The following ADCY9 variants were observed in gnomAD, a reference collection of about 807,000 sequenced individuals.
The protein encoded by ADCY9 is adenylate cyclase 9.
ADCY9 carries 50 observed loss-of-function variants against 101.5 expected under a neutral mutation model. The observed-to-expected ratio is 0.49, with a 90% CI of 0.39 to 0.62. The LOEUF (loss-of-function observed/expected upper bound fraction) is 0.62. Among genes scored for constraint, ADCY9 ranks in the 20% least tolerant of loss-of-function variants. ADCY9 has a pLI of 0.00. For synonymous variants in ADCY9, 905 were observed against 769.3 expected, an observed-to-expected ratio of 1.18 and a Z score of -2.92; for missense variants, 1,662 against 1,800.4, an observed-to-expected ratio of 0.92 and a Z score of 1.39.
rs137931297 is a variant in ADCY9 at position 4,091,796 on chromosome 16, G to A, written c.1693+21954C>T. Among the ~76,000 whole-genome samples the A allele has an allele frequency of 9.8e-4, 150 of 152,310 alleles. 1 individual carries two copies. The highest frequency in any genetic ancestry group is 3.5e-3 in the African/African-American group (145 of 41,570). ...CAAAGTGCAGCACAGCGGCTGCCAG[G>A]TGCTAGGGCTTGGGAGCTGGGAAGT... On this transcript the variant is annotated intron_variant, in intron 2 of 10. Transcript: ENST00000294016.
chr16:3,993,569 T>G, intron 3 of ADCY9, 59 bp from the exon 4 acceptor site: 3 of 1,595,922 alleles, frequency 1.9e-6, no homozygotes, highest in Non-Finnish European at 2.6e-6. Context: ...CCACCCTGAA[T>G]TCAGGCAGGT....
chr16:4,093,488 A>C (rs1356649585), intron 2 of ADCY9, among the ~76,000 whole-genome samples: 2 of 152,224 alleles, frequency 1.3e-5, no homozygotes. Context: ...ACACTAGTGA[A>C]AATGAAATGG....
intron 2 of ADCY9, among the ~76,000 whole-genome samples, chr16:4,019,147 A>T (rs909838708): frequency 3.7e-4 from 56 of 151,568 alleles, no homozygotes; most frequent in Non-Finnish European, 6.5e-4. Context: ...ACCTTCTTTT[A>T]AAAAAAAATT....
At chr16:4,102,075 T>C (rs554531615) in intron 2 of ADCY9, among the ~76,000 whole-genome samples, 5 of 152,122 alleles carry the variant, frequency 3.3e-5, no homozygotes, top group Non-Finnish European at 5.9e-5. Flanking sequence ...GTGCGCCAGA[T>C]TGAGCGCAGG....
At chr16:4,097,348 C>A (rs970803815) in intron 2 of ADCY9, among the ~76,000 whole-genome samples, 3 of 151,096 alleles carry the variant, frequency 2.0e-5, no homozygotes, top group Non-Finnish European at 4.4e-5. Context: ...ACCACTCAGT[C>A]ATTCCAGCAA....
In ADCY9 at chr16:4,113,965, C is replaced by T; in HGVS notation, c.1478G>A (p.Gly493Asp). The change falls in exon 2 of 11, where the codon GGC becomes GAC. Residue 493 changes from glycine (G) to aspartate (D), a missense_variant. Coordinates refer to ENST00000294016, the MANE Select transcript of ADCY9 (RefSeq NM_001116.4). Reference protein sequence around the residue: ...MVNMRVGVHTGTVLCGILGMR... With the variant: ...MVNMRVGVHTDTVLCGILGMR... ...GCCCAGGATGCCGCAAAGGACGGTGCCCGTGTGCACCCCGACTCTCATGTT... is the reference window on the plus strand; with the variant it reads ...GCCCAGGATGCCGCAAAGGACGGTGTCCGTGTGCACCCCGACTCTCATGTT... 1 of 1,613,968 alleles carries T rather than the reference C, an allele frequency of 6.2e-7. No individual in the cohort carries two copies. Among genetic ancestry groups the T allele is most frequent in the Non-Finnish European group, 8.5e-7 (1 of 1,180,040 alleles).
chr16:4,097,498 A>ACACACACACG (rs2057012953), intron 2 of ADCY9, among the ~76,000 whole-genome samples: 1 of 127,384 alleles, frequency 7.9e-6, no homozygotes, highest in Non-Finnish European at 1.6e-5. Flanking sequence ...ACACACACAC[A>ACACACACACG]CACTATATAT....
At chr16:4,039,679 CAAAAAAAAAAAA>C (rs35158886) in intron 2 of ADCY9, among the ~76,000 whole-genome samples, 1 of 64,652 alleles carries the variant, frequency 1.5e-5, no homozygotes, top group Non-Finnish European at 3.3e-5. Flanking sequence ...AACTCTGTCT[CAAAAAAAAAAAA>C]AAAAAAAAAA....
chr16:4,029,790 A>C (rs1047876864), intron 2 of ADCY9, among the ~76,000 whole-genome samples: 52 of 152,294 alleles, frequency 3.4e-4, no homozygotes, highest in Non-Finnish European at 6.0e-4. Context: ...ATAAGAAAAC[A>C]AAACCAGACC....
chr16:4,089,996 C>T (rs1303182815), intron 2 of ADCY9, among the ~76,000 whole-genome samples: 1 of 152,072 alleles, frequency 6.6e-6, no homozygotes, highest in Non-Finnish European at 1.5e-5. Context: ...GCTGGGACTC[C>T]GTGGGCCCGA....
rs753174574 is a variant in ADCY9 at position 3,977,521 on chromosome 16, C to T, written c.2789G>A (p.Gly930Glu). ...RSSLATVVGA[G>E]PLLLLYVSLC... is the part of the protein sequence containing the mutation. Reference sequence around the variant, plus strand: ...GGAGACGTAGAGCAGGAGCAGCGGCCCGGCCCCCACGACGGTGGCGAGGGA... The same window carrying T: ...GGAGACGTAGAGCAGGAGCAGCGGCTCGGCCCCCACGACGGTGGCGAGGGA... The change falls in exon 9 of 11, where the codon GGG becomes GAG. Residue 930 changes from glycine (G) to glutamate (E), a missense_variant. Coordinates refer to ENST00000294016, the MANE Select transcript of ADCY9 (RefSeq NM_001116.4). 6.3e-7 allele frequency: 1 copy of T among 1,589,228 alleles called. No individual in the cohort carries two copies. The highest frequency in any genetic ancestry group is 1.1e-5 in the South Asian group (1 of 87,756).
At chr16:4,001,312 G>A (rs895107425) in intron 3 of ADCY9, among the ~76,000 whole-genome samples, 21 of 152,118 alleles carry the variant, frequency 1.4e-4, no homozygotes, top group Non-Finnish European at 2.2e-4. Flanking sequence ...GCCCTGCTGC[G>A]TTTGAAGTCC....
At chr16:4,026,417 C>T (rs1181030834) in intron 2 of ADCY9, among the ~76,000 whole-genome samples, 1 of 111,744 alleles carries the variant, frequency 8.9e-6, no homozygotes, top group Non-Finnish European at 1.8e-5. Flanking sequence ...AACAGCAAGA[C>T]TCCGTCTCAA....
At chr16:4,077,182 TATA>T (rs1345571057) in intron 2 of ADCY9, among the ~76,000 whole-genome samples, 10 of 152,152 alleles carry the variant, frequency 6.6e-5, no homozygotes, top group African/African-American at 2.4e-4. Context: ...CTGTAAGCCC[TATA>T]CAGGGAAGTT....
intron 2 of ADCY9, among the ~76,000 whole-genome samples, chr16:4,111,422 T>C (rs2057113267): frequency 1.3e-5 from 2 of 152,156 alleles, no homozygotes. Context: ...ATACCCAATA[T>C]TGTATAGAGA....
At chr16:4,036,058 C>T (rs375850549) in intron 2 of ADCY9, among the ~76,000 whole-genome samples, 1 of 128,412 alleles carries the variant, frequency 7.8e-6, no homozygotes, top group Admixed American at 7.7e-5. Context: ...CCTCCCTTCA[C>T]TAAAGACAAG....
intron 2 of ADCY9, among the ~76,000 whole-genome samples, chr16:4,085,788 G>A (rs2107605): frequency 0.12 from 17,970 of 151,834 alleles, 1,625 homozygotes; most frequent in East Asian, 0.42. Flanking sequence ...TCTAGGGTGG[G>A]GCCCAGACGT....
At chr16:4,025,937 G>A (rs1475097215) in intron 2 of ADCY9, among the ~76,000 whole-genome samples, 1 of 152,188 alleles carries the variant, frequency 6.6e-6, no homozygotes, top group Non-Finnish European at 1.5e-5. Context: ...AAATCTTCCA[G>A]ATGACAGTGC....
At chr16:4,110,116 C>T (rs1408151174) in intron 2 of ADCY9, among the ~76,000 whole-genome samples, 1 of 152,214 alleles carries the variant, frequency 6.6e-6, no homozygotes, top group East Asian at 1.9e-4. Context: ...ACATACTCCA[C>T]AACATTTTTA....
Sources: gnomAD v4.1 joint callset for allele counts (sites outside exome capture counted in the v4.1 genomes callset) on GRCh38, gnomAD v4.1.1 for gene constraint, MANE v1.5 for transcripts, NCBI Gene and HGNC (gene_info 2026-07-23, HGNC 2026-07-21) for gene names.